Variants in OSBP2 observed in about 807,000 individuals in gnomAD.
OSBP2 encodes oxysterol binding protein 2.
OSBP2 carries 66 observed loss-of-function variants against 96.0 expected under a neutral mutation model. The observed-to-expected ratio is 0.69, with a 90% CI of 0.56 to 0.84. OSBP2 has a LOEUF of 0.84. Among genes scored for constraint, OSBP2 ranks in the 40% least tolerant of loss-of-function variants. The pLI is 0.00. For missense variants in OSBP2, 1,038 were observed against 1,222.7 expected, an observed-to-expected ratio of 0.85 and a Z score of 2.25; for synonymous variants, 525 against 520.9, an observed-to-expected ratio of 1.01 and a Z score of -0.11.
At chr22:30,777,779 T>C (rs545828764) in intron 2 of OSBP2, among the ~76,000 whole-genome samples, 97 of 151,940 alleles carry the variant, frequency 6.4e-4, no homozygotes, top group African/African-American at 2.1e-3. Flanking sequence ...CTGGGGAGAA[T>C]AGGCAGACAG....
chr22:30,802,862 G>GGCGGGCGGGCGGA (rs1470833725), intron 2 of OSBP2, among the ~76,000 whole-genome samples: 69 of 152,214 alleles, frequency 4.5e-4, no homozygotes, highest in Non-Finnish European at 8.4e-4. Flanking sequence ...CAGGCTGACG[G>GGCGGGCGGGCGGA]GCGGGCGGGC....
chr22:30,823,952 G>C (rs1367067062), intron 2 of OSBP2, among the ~76,000 whole-genome samples: 1 of 152,226 alleles, frequency 6.6e-6, no homozygotes, highest in Non-Finnish European at 1.5e-5. Flanking sequence ...TTCCGAGGGA[G>C]AATTTTGGAG....
intron 1 of OSBP2, among the ~76,000 whole-genome samples, chr22:30,701,594 C>T (rs1438243915): frequency 3.9e-5 from 6 of 152,188 alleles, no homozygotes; most frequent in African/African-American, 7.2e-5. Context: ...CCGCCCGCCT[C>T]GGCCTCCCAA....
chr22:30,890,528 G>C lies in OSBP2; in HGVS notation c.1624-200G>C, dbSNP rs989659983. Among the ~76,000 whole-genome samples, 2 of 152,218 alleles carry C rather than the reference G, an allele frequency of 1.3e-5. No individual in the cohort carries two copies. Among genetic ancestry groups the C allele is most frequent in the African/African-American group, 4.8e-5 (2 of 41,454 alleles). The stretch of plus-strand genomic sequence containing the variant: ...TAGGATGCAGCAGACCAGAAAGTGG[G>C]AAGGGCTGTGGAGAAAACAGCCAGG... On this transcript the variant is annotated intron_variant, in intron 7 of 13. Transcript: ENST00000332585. This position sits in a 1 kb window ranked among gnomAD's most constrained non-coding sequence, Gnocchi z 4.4.
At chr22:30,738,074 T>A (rs1290200808) in intron 1 of OSBP2, among the ~76,000 whole-genome samples, 1 of 151,656 alleles carries the variant, frequency 6.6e-6, no homozygotes. Context: ...TGATTTTCTT[T>A]TCCTTTTTTT....
At chr22:30,872,864 G>C (rs2147114567) in intron 3 of OSBP2, among the ~76,000 whole-genome samples, 1 of 152,348 alleles carries the variant, frequency 6.6e-6, no homozygotes, top group South Asian at 2.1e-4. Flanking sequence ...CAGACACCAA[G>C]GGTTCAGCCC....
chr22:30,901,421 C>T (rs1370374665), intron 12 of OSBP2, among the ~76,000 whole-genome samples: 1 of 152,108 alleles, frequency 6.6e-6, no homozygotes, highest in Non-Finnish European at 1.5e-5. Context: ...GGAAAATGTG[C>T]AAGAGTCATG....
chr22:30,699,664 G>GTGGTA (rs2089125369), intron 1 of OSBP2, among the ~76,000 whole-genome samples: 1 of 152,134 alleles, frequency 6.6e-6, no homozygotes, highest in Non-Finnish European at 1.5e-5. Context: ...TACCTTAATA[G>GTGGTA]CAGAAGAGTG....
intron 12 of OSBP2, chr22:30,902,140 C>CAAAAAAAAAAAAAAAAAAAAA (rs1239083048): frequency 1.6e-5 from 4 of 253,946 alleles, no homozygotes; most frequent in East Asian, 5.8e-5. Flanking sequence ...AAAAAAAAAC[C>CAAAAAAAAAAAAAAAAAAAAA]AAAAAAAAAA....
At chr22:30,813,366 C>A in intron 2 of OSBP2, among the ~76,000 whole-genome samples, 1 of 151,518 alleles carries the variant, frequency 6.6e-6, no homozygotes. Flanking sequence ...TGGAGATGAG[C>A]TTTCACCATG....
chr22:30,806,915 T>G (rs760986656), intron 2 of OSBP2, among the ~76,000 whole-genome samples: 1 of 152,208 alleles, frequency 6.6e-6, no homozygotes, highest in Admixed American at 6.5e-5. Context: ...GAGTTTTTGC[T>G]TCCCTTGACT....
In OSBP2 at chr22:30,875,376, T is replaced by G. The variant is rs193016245; in HGVS notation, c.1107+4694T>G. Among the ~76,000 whole-genome samples, 209 of 151,214 alleles carry G rather than the reference T, an allele frequency of 1.4e-3. 1 individual carries two copies. The highest frequency in any genetic ancestry group is 4.7e-3 in the African/African-American group (193 of 40,796). On this transcript the variant is annotated intron_variant, in intron 3 of 13. Coordinates refer to ENST00000332585, the MANE Select transcript of OSBP2 (RefSeq NM_030758.4). ...TTGATTGGCAGGGTTCTTTGTTGTT[T>G]TTTTTTTTTCTTTGAGATGGAGTTT...
chr22:30,863,994 G>A (rs1260014725), intron 2 of OSBP2, among the ~76,000 whole-genome samples: 6 of 149,746 alleles, frequency 4.0e-5, no homozygotes, highest in South Asian at 2.1e-4. Context: ...TTTTTGAAAC[G>A]GAGTCTGACT....
At chr22:30,902,279 A>G (rs1356874004) in intron 12 of OSBP2, 21 of 1,589,982 alleles carry the variant, frequency 1.3e-5, no homozygotes, top group Non-Finnish European at 1.8e-5. Context: ...CATAGATGCT[A>G]TCTTTAAGGA....
At position 30,906,005 on chromosome 22, in the gene OSBP2, G is replaced by A; in HGVS notation, c.2544G>A (p.Gln848=). The stretch of plus-strand genomic sequence containing the variant: ...AGAAGCAGCGGCTGGAGGAGAAGCA[G>A]CGCCTGTCGCGGCGCCGGCGGCTGG... ...NTEKQRLEEK[Q]RLSRRRRLEA... is the part of the protein sequence containing the mutation. The change falls in exon 13 of 14, where the codon CAG becomes CAA. Residue 848 remains glutamine, a synonymous_variant. Coordinates refer to ENST00000332585, the MANE Select transcript of OSBP2 (RefSeq NM_030758.4). 6.3e-7 allele frequency: 1 copy of A among 1,587,550 alleles called. No individual in the cohort carries two copies. The highest frequency in any genetic ancestry group is 8.6e-7 in the Non-Finnish European group (1 of 1,167,650).
intron 12 of OSBP2, among the ~76,000 whole-genome samples, chr22:30,896,903 C>T (rs941238159): frequency 6.6e-6 from 1 of 152,140 alleles, no homozygotes; most frequent in African/African-American, 2.4e-5. Flanking sequence ...CAGCCTCAGC[C>T]TCTCAAAGTG....
chr22:30,716,019 G>GC (rs1225177699), intron 1 of OSBP2, among the ~76,000 whole-genome samples: 2 of 146,946 alleles, frequency 1.4e-5, no homozygotes, highest in African/African-American at 5.0e-5. Context: ...CCAACCACAA[G>GC]CATCTTTTCT....
At position 30,890,789 on chromosome 22, in the gene OSBP2, A is replaced by T; in HGVS notation, c.1685A>T (p.His562Leu). ...CTGACAGAGGACCTGGAGTACCACC[A>T]CCTGCTGGACAAGGCAGTGCACTGC... ...QRLTEDLEYH[H>L]LLDKAVHCTS... Residue 562 changes from histidine (H) to leucine (L), a missense_variant, in exon 8 of 14, where the codon CAC becomes CTC. Coordinates refer to ENST00000332585, the MANE Select transcript of OSBP2 (RefSeq NM_030758.4). The surrounding 1 kb of genome is among the most constrained non-coding windows in gnomAD (Gnocchi z 4.4). 1 of 1,613,532 alleles carries T rather than the reference A, an allele frequency of 6.2e-7. No homozygotes were observed. Among genetic ancestry groups the T allele is most frequent in the Non-Finnish European group, 8.5e-7 (1 of 1,180,000 alleles).
chr22:30,835,535 A>G (rs2147015993), intron 2 of OSBP2, among the ~76,000 whole-genome samples: 1 of 152,166 alleles, frequency 6.6e-6, no homozygotes, highest in African/African-American at 2.4e-5. Context: ...GACACTCTTA[A>G]TTTGAATGTA....
Sources: gnomAD v4.1 joint callset for allele counts (sites outside exome capture counted in the v4.1 genomes callset) on GRCh38, gnomAD v4.1.1 for gene constraint, Gnocchi (gnomAD v3.1) non-coding constraint, MANE v1.5 for transcripts, NCBI Gene and HGNC (gene_info 2026-07-23, HGNC 2026-07-21) for gene names.